LRP8: variants seen among roughly 807,000 people sequenced by gnomAD.
LRP8 encodes the protein low-density lipoprotein receptor-related protein 8.
Under a neutral mutation model 111.6 loss-of-function variants are expected in LRP8, and 46 were observed. That is an observed-to-expected ratio of 0.41 (90% CI 0.33 to 0.53). The LOEUF is 0.53. Ranked by LOEUF, LRP8 falls within the 20% of genes least tolerant of loss-of-function variation. LRP8 has a pLI of 0.20. For synonymous variants in LRP8, 464 were observed against 511.2 expected, an observed-to-expected ratio of 0.91 and a Z score of 1.24; for missense variants, 959 against 1,297.4, an observed-to-expected ratio of 0.74 and a Z score of 4.01.
Position 53,242,854 on chromosome 1 carries a change from T to TAC in LRP8, c.*4163_*4164insGT. The TAC allele has an allele frequency of 7.6e-6, 1 of 131,028 alleles. No homozygotes were observed. The highest frequency in any genetic ancestry group is 2.4e-4 in the East Asian group (1 of 4,146). The allele number at this position is 131,028 out of a possible 1,614,324, so 8.1% of individuals were successfully genotyped here. A position where few individuals can be genotyped will look rare whatever the true frequency, so the allele number is the denominator to read the frequency against. On this transcript the variant is annotated 3_prime_UTR_variant, in exon 19 of 19. Coordinates refer to ENST00000306052, the MANE Select transcript of LRP8 (RefSeq NM_004631.5). The stretch of plus-strand genomic sequence containing the variant: ...GGCTTTAAATATATATATATATATA[T>TAC]ATATACACACACACACACGTGGCTT...
intron 18 of LRP8, among the ~76,000 whole-genome samples, chr1:53,247,620 C>A (rs1480400543): frequency 6.6e-6 from 1 of 152,172 alleles, no homozygotes; most frequent in Non-Finnish European, 1.5e-5. Flanking sequence ...CTCCTGTCTG[C>A]CAAAAATGGC....
chr1:53,257,259 G>C lies in LRP8; in HGVS notation c.2415C>G (p.Thr805=). The stretch of plus-strand genomic sequence containing the variant: ...CCTTACAGTGCTGGGAGTGGTTGCT[G>C]GTTGCAGGGCTTAGGGTAGACGGGC... ...SISPSTLSPA[T]SNHSQHYANE... The change falls in exon 15 of 19, where the codon ACC becomes ACG. Residue 805 remains threonine, a synonymous_variant. Coordinates refer to ENST00000306052, the MANE Select transcript of LRP8 (RefSeq NM_004631.5). The C allele has an allele frequency of 6.2e-7, 1 of 1,614,154 alleles. No individual in the cohort carries two copies. The highest frequency in any genetic ancestry group is 8.5e-7 in the Non-Finnish European group (1 of 1,180,030).
Position 53,250,978 on chromosome 1 carries a change from T to G in LRP8, c.2504-116A>C. On this transcript the variant is annotated intron_variant, in intron 16 of 18. Coordinates refer to ENST00000306052, the MANE Select transcript of LRP8 (RefSeq NM_004631.5). This position sits in a 1 kb window ranked among gnomAD's most constrained non-coding sequence, Gnocchi z 4.6. ...CTACCCTTTGCTCCTCAGGCTCTGT[T>G]TCTGCATGTTCTTTTACTGCTGTTT... 2.5e-6 allele frequency: 2 copies of G among 786,558 alleles called. No homozygotes were observed. Among genetic ancestry groups the G allele is most frequent in the Non-Finnish European group, 4.2e-6 (2 of 475,750 alleles). 48.7% of individuals were successfully genotyped at this position (786,558 alleles called of 1,614,324 possible). A position where few individuals can be genotyped will look rare whatever the true frequency, so the allele number is the denominator to read the frequency against.
chr1:53,246,551 G>GTT lies in LRP8; in HGVS notation c.*465_*466dup, dbSNP rs74260654. On this transcript the variant is annotated 3_prime_UTR_variant, in exon 19 of 19. Transcript: ENST00000306052. ...TCTAAATGGGGGAGGGAGTTGAAGT[G>GTT]TTTTTTTTTTTTTTTTACTTATGTT... 7.1e-5 allele frequency: 9 copies of GTT among 125,920 alleles called. No homozygotes were observed. Among genetic ancestry groups the GTT allele is most frequent in the Non-Finnish European group, 1.0e-4 (6 of 58,588 alleles). 7.8% of individuals were successfully genotyped at this position (125,920 alleles called of 1,614,324 possible).
At chr1:53,280,461 C>CT (rs952777655) in intron 4 of LRP8, 126 bp downstream of exon 4, 1 of 1,234,354 alleles carries the variant, frequency 8.1e-7, no homozygotes, top group African/African-American at 1.5e-5. Context: ...GTGTCCTGAT[C>CT]GTTATCCTTT....
At chr1:53,309,947 C>T (rs1037980730) in intron 2 of LRP8, among the ~76,000 whole-genome samples, 3 of 152,146 alleles carry the variant, frequency 2.0e-5, no homozygotes, top group Admixed American at 1.3e-4. Context: ...CACCCACCTA[C>T]CCCGACGCTT....
Position 53,271,245 on chromosome 1 carries a change from C to T in LRP8, c.1108G>A (p.Asp370Asn). 6.2e-7 allele frequency: 1 copy of T among 1,613,904 alleles called. No homozygotes were observed. Among genetic ancestry groups the T allele is most frequent in the African/African-American group, 1.3e-5 (1 of 74,924 alleles). The change falls in exon 7 of 19, where the codon GAC becomes AAC. Residue 370 changes from aspartate (D) to asparagine (N), a missense_variant. Physicochemically the swap from Asp to Asn is conservative, Grantham distance 23. Coordinates refer to ENST00000306052, the MANE Select transcript of LRP8 (RefSeq NM_004631.5). ...CTCPAGFQLL[D>N]QKTCGDIDEC... ...GTCTCACCGCCACAGGTCTTCTGGTCCAGGAGCTGGAAGCCTGCTGGGCAC... is the reference window on the plus strand; with the variant it reads ...GTCTCACCGCCACAGGTCTTCTGGTTCAGGAGCTGGAAGCCTGCTGGGCAC...
Position 53,327,867 on chromosome 1 carries a change from GCA to G in LRP8, c.44_45del (p.Leu15ProfsTer20). 1 of 1,507,208 alleles carries G rather than the reference GCA, an allele frequency of 6.6e-7. No homozygotes were observed. Among genetic ancestry groups the G allele is most frequent in the Non-Finnish European group, 8.8e-7 (1 of 1,133,750 alleles). 93.4% of individuals were successfully genotyped at this position (1,507,208 alleles called of 1,614,324 possible). Reference protein sequence around the residue: ...EPGPLRLLALLLLLLLLLLLQ... With the variant: ...EPGPLRLLALXLLLLLLLLLQ... ...AGCAGCAGCAGCAGCAGCAGCAGCA[GCA>G]GCAGCGCCAGAAGCCGGAGAGGGCC... is the stretch of plus-strand genomic sequence containing the variant. On this transcript the variant is annotated frameshift_variant, in exon 1 of 19. Transcript: ENST00000306052. LOFTEE classifies it high-confidence loss of function.
chr1:53,289,721 T>C (rs1209140667), intron 2 of LRP8, 32 bp from the exon 3 acceptor site: 1 of 1,611,630 alleles, frequency 6.2e-7, no homozygotes. Flanking sequence ...GTGGTGAGCC[T>C]GGGAGCAGTC....
intron 2 of LRP8, among the ~76,000 whole-genome samples, chr1:53,290,268 C>T (rs1465230585): frequency 6.6e-6 from 1 of 151,240 alleles, no homozygotes; most frequent in African/African-American, 2.5e-5. Flanking sequence ...GTGACCTCCA[C>T]ACTGCTCTGG....
rs2100329335 is a variant in LRP8 at position 53,246,895 on chromosome 1, ATCAC to A, written c.*119_*122del. On this transcript the variant is annotated 3_prime_UTR_variant, in exon 19 of 19. Coordinates refer to ENST00000306052, the MANE Select transcript of LRP8 (RefSeq NM_004631.5). Reference sequence around the variant, plus strand: ...TCCGCAACATAAATTTAAAAAAAAAATCACACACACACATACACTCACACAGACC... The same window carrying A: ...TCCGCAACATAAATTTAAAAAAAAAAACACACACATACACTCACACAGACC... 2.5e-6 allele frequency: 2 copies of A among 811,568 alleles called. No individual in the cohort carries two copies. The highest frequency in any genetic ancestry group is 3.8e-6 in the Non-Finnish European group (2 of 522,004). The allele number at this position is 811,568 out of a possible 1,614,324, so 50.3% of individuals were successfully genotyped here.
intron 2 of LRP8, among the ~76,000 whole-genome samples, chr1:53,312,735 C>A (rs1438434856): frequency 6.6e-6 from 1 of 152,234 alleles, no homozygotes; most frequent in Non-Finnish European, 1.5e-5. Flanking sequence ...CTCCTGGGGA[C>A]CTGAGAGAGC....
chr1:53,297,659 G>A (rs1411562631), intron 2 of LRP8, among the ~76,000 whole-genome samples: 1 of 152,206 alleles, frequency 6.6e-6, no homozygotes, highest in Non-Finnish European at 1.5e-5. Context: ...GAATGAAGAG[G>A]CTGCAGCGGA....
intron 8 of LRP8, among the ~76,000 whole-genome samples, chr1:53,270,085 G>A (rs1158203889): frequency 2.6e-5 from 4 of 152,158 alleles, no homozygotes. Flanking sequence ...GTCTGTGTGG[G>A]TGTTAGTGTG....
chr1:53,269,257 A>T (rs1186656644), intron 8 of LRP8, among the ~76,000 whole-genome samples: 4 of 152,012 alleles, frequency 2.6e-5, no homozygotes, highest in Non-Finnish European at 5.9e-5. Flanking sequence ...GCTTGTTCCT[A>T]TAGATAATTG....
intron 8 of LRP8, chr1:53,268,387 T>C (rs978049282): frequency 6.6e-6 from 1 of 152,236 alleles, no homozygotes; most frequent in African/African-American, 2.4e-5. Context: ...GGTAGTTGCA[T>C]GTTGTCTCCA....
intron 3 of LRP8, 100 bp downstream of exon 3, chr1:53,289,467 T>C (rs1373775229): frequency 8.9e-6 from 13 of 1,463,222 alleles, no homozygotes; most frequent in Non-Finnish European, 1.2e-5. Context: ...TGGCACAGAA[T>C]GTTCAACTGG....
At chr1:53,253,079 T>A (rs1386771472) in intron 16 of LRP8, among the ~76,000 whole-genome samples, 2 of 152,086 alleles carry the variant, frequency 1.3e-5, no homozygotes, top group Non-Finnish European at 2.9e-5. Context: ...AAAAAACAGT[T>A]AAATCTCTAC....
intron 2 of LRP8, among the ~76,000 whole-genome samples, chr1:53,319,607 G>T (rs1654235112): frequency 1.3e-5 from 2 of 152,212 alleles, no homozygotes; most frequent in South Asian, 4.1e-4. Flanking sequence ...GTCAGAGCGG[G>T]TACAGTCAGT....
Sources: allele counts gnomAD v4.1 joint callset (sites outside exome capture counted in the v4.1 genomes callset), GRCh38; gene constraint gnomAD v4.1.1; non-coding constraint Gnocchi (gnomAD v3.1); transcripts MANE v1.5; gene names NCBI Gene and HGNC (gene_info 2026-07-23, HGNC 2026-07-21).